POU6F2: variants seen among roughly 807,000 people sequenced by gnomAD.
The protein encoded by POU6F2 is POU class 6 homeobox 2, also known as POU domain, class 6, transcription factor 2.
In POU6F2, 31 loss-of-function variants were observed where a neutral mutation model predicts 71.3. The observed-to-expected ratio is 0.43, with a 90% CI of 0.33 to 0.59. The LOEUF (loss-of-function observed/expected upper bound fraction) is 0.59. Among genes scored for constraint, POU6F2 ranks in the 20% least tolerant of loss-of-function variants. The pLI is 0.04. For missense variants in POU6F2, 783 were observed against 856.8 expected (o/e 0.91, Z 1.07); for synonymous variants, 347 against 355.7 (o/e 0.98, Z 0.27).
chr7:39,399,930 T>C (rs1384373005), intron 5 of POU6F2, among the ~76,000 whole-genome samples: 1 of 152,080 alleles, frequency 6.6e-6, no homozygotes, highest in Non-Finnish European at 1.5e-5. Flanking sequence ...CAGGAGCTTC[T>C]GTCGCCAGGG....
chr7:39,276,812 A>G (rs1411573300), intron 4 of POU6F2, among the ~76,000 whole-genome samples: 1 of 151,752 alleles, frequency 6.6e-6, no homozygotes, highest in Admixed American at 6.6e-5. Flanking sequence ...ACAAAAAACC[A>G]AACACCGCAT....
chr7:39,207,118 A>G (rs773921179), intron 3 of POU6F2, among the ~76,000 whole-genome samples: 2 of 152,242 alleles, frequency 1.3e-5, no homozygotes, highest in African/African-American at 2.4e-5. Flanking sequence ...TGGAAACTCA[A>G]TGGAAGAGTA....
At chr7:39,044,823 A>G (rs1183709741) in intron 1 of POU6F2, among the ~76,000 whole-genome samples, 2 of 151,936 alleles carry the variant, frequency 1.3e-5, no homozygotes, top group Non-Finnish European at 2.9e-5. Context: ...GATGTTTTAT[A>G]AGAAGGCTGT....
intron 5 of POU6F2, among the ~76,000 whole-genome samples, chr7:39,383,155 T>C (rs960614150): frequency 6.6e-6 from 1 of 152,226 alleles, no homozygotes; most frequent in African/African-American, 2.4e-5. Flanking sequence ...TTAAGTTTTA[T>C]TTGCTTGTCT....
At chr7:39,417,617 A>G (rs1049479951) in intron 6 of POU6F2, among the ~76,000 whole-genome samples, 1 of 152,206 alleles carries the variant, frequency 6.6e-6, no homozygotes, top group East Asian at 1.9e-4. Flanking sequence ...CTATTAATCA[A>G]ACAACACAAA....
intron 1 of POU6F2, among the ~76,000 whole-genome samples, chr7:39,050,111 T>C (rs1275797881): frequency 1.3e-5 from 2 of 152,042 alleles, no homozygotes; most frequent in Non-Finnish European, 1.5e-5. Context: ...TAGTAACTTG[T>C]TTGGACTAAA....
chr7:39,212,806 A>C (rs918994040), intron 4 of POU6F2, among the ~76,000 whole-genome samples: 2 of 152,248 alleles, frequency 1.3e-5, no homozygotes, highest in African/African-American at 4.8e-5. Context: ...AAAGATGTGC[A>C]GTCCTAGGGT....
intron 8 of POU6F2, among the ~76,000 whole-genome samples, chr7:39,456,386 C>G (rs1314450215): frequency 6.6e-6 from 1 of 152,294 alleles, no homozygotes; most frequent in South Asian, 2.1e-4. Flanking sequence ...CTTATTTCCC[C>G]TTTTCAAGCT....
chr7:39,043,965 T>C (rs561327498), intron 1 of POU6F2, among the ~76,000 whole-genome samples: 1 of 151,994 alleles, frequency 6.6e-6, no homozygotes, highest in East Asian at 1.9e-4. Context: ...AATACATCTG[T>C]CTTTAAGCAA....
intron 4 of POU6F2, among the ~76,000 whole-genome samples, chr7:39,322,711 AT>A: frequency 6.6e-6 from 1 of 152,204 alleles, no homozygotes; most frequent in East Asian, 1.9e-4. Context: ...ATTTTACAGA[AT>A]TTTTAGGATA....
At chr7:39,087,584 G>C (rs1791279122) in intron 2 of POU6F2, among the ~76,000 whole-genome samples, 1 of 152,146 alleles carries the variant, frequency 6.6e-6, no homozygotes, top group Non-Finnish European at 1.5e-5. Flanking sequence ...AGTGAGAAAA[G>C]TCAGATAAAA....
chr7:39,215,955 G>A (rs187938185), intron 4 of POU6F2, among the ~76,000 whole-genome samples: 2 of 152,188 alleles, frequency 1.3e-5, no homozygotes, highest in African/African-American at 4.8e-5. Flanking sequence ...CTAGGATCCA[G>A]GCAGAAGAAG....
At chr7:39,356,808 C>T (rs2237410) in intron 5 of POU6F2, among the ~76,000 whole-genome samples, 27,555 of 152,124 alleles carry the variant, frequency 0.18, 3,017 homozygotes, top group East Asian at 0.59. Context: ...TTAGATGCTA[C>T]GATGACTCCT....
chr7:39,174,950 T>C (rs1793299593), intron 2 of POU6F2, among the ~76,000 whole-genome samples: 1 of 152,180 alleles, frequency 6.6e-6, no homozygotes, highest in South Asian at 2.1e-4. Flanking sequence ...ATGTGCTCCT[T>C]GTACTCTTTA....
intron 3 of POU6F2, 127 bp from the exon 4 acceptor site, chr7:39,207,265 G>T (rs1794032484): frequency 3.8e-6 from 3 of 788,324 alleles, no homozygotes. Flanking sequence ...TTTTTAATGA[G>T]ATAGGGCATG....
intron 7 of POU6F2, among the ~76,000 whole-genome samples, chr7:39,443,270 C>G (rs1347493348): frequency 6.6e-6 from 1 of 152,194 alleles, no homozygotes; most frequent in Non-Finnish European, 1.5e-5. Flanking sequence ...AAGTACACCC[C>G]AATCAACATG....
intron 5 of POU6F2, among the ~76,000 whole-genome samples, chr7:39,378,831 A>T (rs1786764332): frequency 6.6e-6 from 1 of 152,244 alleles, no homozygotes; most frequent in African/African-American, 2.4e-5. Flanking sequence ...ATTCATGTGC[A>T]TATAGAAGTG....
chr7:39,107,677 C>G (rs1275266397), intron 2 of POU6F2, among the ~76,000 whole-genome samples: 1 of 151,966 alleles, frequency 6.6e-6, no homozygotes, highest in Non-Finnish European at 1.5e-5. Context: ...AGTGGAACCA[C>G]CCCCCGCCCC....
chr7:39,130,122 T>C (rs116015873), intron 2 of POU6F2, among the ~76,000 whole-genome samples: 3,002 of 146,898 alleles, frequency 0.02, 109 homozygotes, highest in African/African-American at 0.07. Context: ...AAAATACCAT[T>C]TTTTTTAAAG....
Sources: allele counts gnomAD v4.1 joint callset (sites outside exome capture counted in the v4.1 genomes callset), GRCh38; gene constraint gnomAD v4.1.1; transcripts MANE v1.5; gene names NCBI Gene and HGNC (gene_info 2026-07-23, HGNC 2026-07-21).